The following PCCA variants were observed in gnomAD, a reference collection of about 807,000 sequenced individuals.
PCCA encodes propionyl-CoA carboxylase subunit alpha, also known as propionyl-CoA carboxylase alpha chain, mitochondrial.
PCCA carries 74 observed loss-of-function variants against 101.3 expected under a neutral mutation model. That is an observed-to-expected ratio of 0.73 (90% confidence interval 0.61 to 0.89). The LOEUF (loss-of-function observed/expected upper bound fraction) is 0.89. Among genes scored for constraint, PCCA ranks in the 40% least tolerant of loss-of-function variants. PCCA has a pLI of 0.00. For missense variants in PCCA, 891 were observed against 907.0 expected, an observed-to-expected ratio of 0.98 and a Z score of 0.23; for synonymous variants, 294 against 313.6, an observed-to-expected ratio of 0.94 and a Z score of 0.66.
At chr13:100,209,489 G>T in intron 7 of PCCA, 26 bp downstream of exon 7, 1 of 1,595,796 alleles carries the variant, frequency 6.3e-7, no homozygotes, top group Non-Finnish European at 8.6e-7. Context: ...AACTTTTATT[G>T]TATATGTCTT....
At chr13:100,507,924 G>C (rs2086204177) in intron 21 of PCCA, among the ~76,000 whole-genome samples, 1 of 152,106 alleles carries the variant, frequency 6.6e-6, no homozygotes. Context: ...CCAAAGTGCT[G>C]GGATTATAGG....
chr13:100,156,498 A>C (rs1182017726), intron 5 of PCCA, among the ~76,000 whole-genome samples: 4 of 152,176 alleles, frequency 2.6e-5, no homozygotes, highest in Admixed American at 2.0e-4. Context: ...CTGATACTGA[A>C]GTGGCGAAAT....
intron 6 of PCCA, among the ~76,000 whole-genome samples, chr13:100,184,077 GCTT>G (rs1594595801): frequency 6.6e-6 from 1 of 152,160 alleles, no homozygotes; most frequent in East Asian, 1.9e-4. Flanking sequence ...GGTGTCATCT[GCTT>G]CTGAGGAGGC....
At chr13:100,516,755 GTGTGTAA>G (rs1285368680) in intron 22 of PCCA, among the ~76,000 whole-genome samples, 2 of 151,098 alleles carry the variant, frequency 1.3e-5, no homozygotes, top group East Asian at 1.9e-4. Context: ...GTGTGTGTGT[GTGTGTAA>G]TGTGTGTAAA....
At chr13:100,517,882 C>T (rs545289121) in intron 22 of PCCA, among the ~76,000 whole-genome samples, 9 of 152,300 alleles carry the variant, frequency 5.9e-5, no homozygotes, top group Admixed American at 5.2e-4. Flanking sequence ...TTAAATTCTG[C>T]TTAGTGTAAT....
intron 2 of PCCA, among the ~76,000 whole-genome samples, chr13:100,105,864 A>T (rs1319466082): frequency 6.7e-6 from 1 of 149,938 alleles, no homozygotes; most frequent in Non-Finnish European, 1.5e-5. Flanking sequence ...AAAAAAAAAA[A>T]AAAAAAAAAA....
At chr13:100,267,556 T>C (rs2063027166) in intron 10 of PCCA, among the ~76,000 whole-genome samples, 1 of 152,210 alleles carries the variant, frequency 6.6e-6, no homozygotes, top group Non-Finnish European at 1.5e-5. Flanking sequence ...TTCAGAGAAG[T>C]TGCATAGCTG....
At chr13:100,422,062 C>CT (rs1469717301) in intron 19 of PCCA, among the ~76,000 whole-genome samples, 3,037 of 56,170 alleles carry the variant, frequency 0.054, 55 homozygotes, top group South Asian at 0.094. Flanking sequence ...CTTTTCTCTT[C>CT]TCTTTTCTTT....
chr13:100,100,160 G>A (rs926022373), intron 1 of PCCA, among the ~76,000 whole-genome samples: 8 of 152,100 alleles, frequency 5.3e-5, no homozygotes, highest in Non-Finnish European at 7.4e-5. Flanking sequence ...AGATGGAAAC[G>A]GGGGCCCAGA....
At chr13:100,528,666 C>T (rs573136302) in intron 23 of PCCA, among the ~76,000 whole-genome samples, 150 of 152,270 alleles carry the variant, frequency 9.9e-4, no homozygotes, top group African/African-American at 3.3e-3. Flanking sequence ...GAGCCCAGCC[C>T]GCCGGTCTGG....
chr13:100,471,632 TAG>T (rs1487347893), intron 21 of PCCA, among the ~76,000 whole-genome samples: 2 of 152,210 alleles, frequency 1.3e-5, no homozygotes, highest in African/African-American at 4.8e-5. Context: ...TGCCCATCGG[TAG>T]AGTTTTCTCT....
chr13:100,412,517 T>C (rs1033234491), intron 19 of PCCA, among the ~76,000 whole-genome samples: 1 of 152,214 alleles, frequency 6.6e-6, no homozygotes, highest in African/African-American at 2.4e-5. Context: ...ATACCATTTT[T>C]CTATTTCTTA....
intron 4 of PCCA, chr13:100,149,699 A>T (rs895411691): frequency 6.6e-6 from 1 of 152,210 alleles, no homozygotes; most frequent in Non-Finnish European, 1.5e-5. Flanking sequence ...CTGTATTCTC[A>T]GTCGTGGTAA....
intron 4 of PCCA, among the ~76,000 whole-genome samples, chr13:100,129,358 G>A (rs1241550767): frequency 6.6e-6 from 1 of 152,144 alleles, no homozygotes; most frequent in Non-Finnish European, 1.5e-5. Flanking sequence ...AGTTTTGTTT[G>A]ATAGCGAATG....
rs75177113 is a variant in PCCA, at chr13:100,257,382, C to CT, written c.638-207dup. ...TGTTATGTTTATTGGTACAAGTACC[C>CT]TTTTTTCTTTTAAAATGGTCACACT... On this transcript the variant is annotated intron_variant, in intron 8 of 23. Transcript: ENST00000376285. Among the ~76,000 whole-genome samples the CT allele has an allele frequency of 0.93, 140,772 of 152,070 alleles. 66,125 individuals are homozygous for CT. The highest frequency in any genetic ancestry group is 1 in the East Asian group (5,186 of 5,188).
At chr13:100,119,656 T>C (rs140228141) in intron 4 of PCCA, among the ~76,000 whole-genome samples, 46 of 152,204 alleles carry the variant, frequency 3.0e-4, no homozygotes, top group African/African-American at 1.1e-3. Context: ...CTCTATTTCG[T>C]AGGTTGATTC....
At chr13:100,285,520 AG>A (rs2064540653) in intron 12 of PCCA, among the ~76,000 whole-genome samples, 1 of 152,208 alleles carries the variant, frequency 6.6e-6, no homozygotes, top group South Asian at 2.1e-4. Context: ...TCTTAGTGTC[AG>A]AGACTATCAA....
intron 11 of PCCA, among the ~76,000 whole-genome samples, chr13:100,272,379 A>G (rs898958796): frequency 6.6e-6 from 1 of 152,134 alleles, no homozygotes; most frequent in African/African-American, 2.4e-5. Flanking sequence ...TTTCTCATTT[A>G]ATATCTGTGG....
At chr13:100,462,618 TTTTA>T (rs1297581289) in intron 21 of PCCA, among the ~76,000 whole-genome samples, 1 of 152,232 alleles carries the variant, frequency 6.6e-6, no homozygotes, top group Non-Finnish European at 1.5e-5. Flanking sequence ...AGAATTTGCA[TTTTA>T]TTTGTCAAGT....
Sources: allele counts gnomAD v4.1 joint callset (sites outside exome capture counted in the v4.1 genomes callset), GRCh38; gene constraint gnomAD v4.1.1; transcripts MANE v1.5; gene names NCBI Gene and HGNC (gene_info 2026-07-23, HGNC 2026-07-21).